The following POU6F2 variants were observed in gnomAD, a reference collection of about 807,000 sequenced individuals.
POU6F2 encodes the protein POU domain, class 6, transcription factor 2.
POU6F2 carries 31 observed loss-of-function variants against 71.3 expected under a neutral mutation model. That is an observed-to-expected ratio of 0.43 (90% confidence interval 0.33 to 0.59). The LOEUF is 0.59. POU6F2 is among the 20% of genes least tolerant of loss of function. The pLI, the probability that POU6F2 is intolerant of heterozygous loss-of-function variation, is 0.04. For synonymous variants in POU6F2, 347 were observed against 355.7 expected (o/e 0.98, Z 0.27); for missense variants, 783 against 856.8 (o/e 0.91, Z 1.07).
intron 2 of POU6F2, among the ~76,000 whole-genome samples, chr7:39,165,887 C>G (rs1793103587): frequency 6.6e-6 from 1 of 152,114 alleles, no homozygotes; most frequent in Admixed American, 6.5e-5. Context: ...TTTCTCAGTC[C>G]CAAACTTTCC....
intron 4 of POU6F2, among the ~76,000 whole-genome samples, chr7:39,213,663 G>T (rs928206707): frequency 6.6e-6 from 1 of 152,018 alleles, no homozygotes; most frequent in African/African-American, 2.4e-5. Context: ...TTCTCATTCG[G>T]CATAATGTTT....
chr7:39,151,416 A>G (rs1191049452), intron 2 of POU6F2, among the ~76,000 whole-genome samples: 1 of 152,192 alleles, frequency 6.6e-6, no homozygotes, highest in Admixed American at 6.5e-5. Flanking sequence ...AGTGGTGATG[A>G]CTTAGTCATC....
chr7:39,175,681 G>A (rs1793312177), intron 2 of POU6F2, among the ~76,000 whole-genome samples: 1 of 152,168 alleles, frequency 6.6e-6, no homozygotes, highest in Middle Eastern at 3.4e-3. Flanking sequence ...ATGAAGAAAG[G>A]GGCCCACAAA....
At chr7:39,356,069 C>A (rs1583547364) in intron 5 of POU6F2, among the ~76,000 whole-genome samples, 1 of 152,152 alleles carries the variant, frequency 6.6e-6, no homozygotes, top group Non-Finnish European at 1.5e-5. Flanking sequence ...CTACTCTGGC[C>A]CCAAGGCAGA....
At chr7:39,167,544 G>T (rs764953086) in intron 2 of POU6F2, among the ~76,000 whole-genome samples, 1 of 152,050 alleles carries the variant, frequency 6.6e-6, no homozygotes, top group African/African-American at 2.4e-5. Flanking sequence ...GAATTCCTGG[G>T]TATCATGCAT....
intron 2 of POU6F2, among the ~76,000 whole-genome samples, chr7:39,163,656 C>T (rs373687083): frequency 2.0e-5 from 3 of 152,206 alleles, no homozygotes; most frequent in African/African-American, 7.2e-5. Flanking sequence ...AGCAATTTCA[C>T]TACTGGATAT....
chr7:39,455,172 A>T (rs1289208928), intron 8 of POU6F2, among the ~76,000 whole-genome samples: 1 of 152,168 alleles, frequency 6.6e-6, no homozygotes, highest in Non-Finnish European at 1.5e-5. Context: ...TAGGTTTAAG[A>T]TTTACAGTGC....
chr7:39,300,877 A>G (rs868542130), intron 4 of POU6F2, among the ~76,000 whole-genome samples: 7 of 152,174 alleles, frequency 4.6e-5, no homozygotes, highest in Non-Finnish European at 1.0e-4. Context: ...GGACTTCAAC[A>G]GAGAAACTTG....
intron 2 of POU6F2, among the ~76,000 whole-genome samples, chr7:39,196,533 C>G (rs1387096792): frequency 6.6e-6 from 1 of 152,096 alleles, no homozygotes; most frequent in East Asian, 1.9e-4. Flanking sequence ...CTGAGGCAGG[C>G]AGATCACCTG....
intron 1 of POU6F2, among the ~76,000 whole-genome samples, chr7:38,998,863 A>G (rs1312518184): frequency 7.7e-6 from 1 of 129,624 alleles, no homozygotes; most frequent in Non-Finnish European, 1.6e-5. Flanking sequence ...ACCAGGTTTT[A>G]CCATGTTAGC....
At chr7:39,393,639 T>C (rs1583570461) in intron 5 of POU6F2, among the ~76,000 whole-genome samples, 2 of 152,186 alleles carry the variant, frequency 1.3e-5, no homozygotes, top group East Asian at 3.8e-4. Context: ...ACTGGTCCCC[T>C]AAAAATATAT....
At chr7:39,215,759 A>G (rs1794228540) in intron 4 of POU6F2, among the ~76,000 whole-genome samples, 1 of 152,220 alleles carries the variant, frequency 6.6e-6, no homozygotes, top group Non-Finnish European at 1.5e-5. Flanking sequence ...TCTACACTGC[A>G]CAGAGACCCA....
intron 1 of POU6F2, among the ~76,000 whole-genome samples, chr7:38,990,399 C>G (rs1788574038): frequency 6.6e-6 from 1 of 152,074 alleles, no homozygotes; most frequent in Non-Finnish European, 1.5e-5. Context: ...AACTTTCTTT[C>G]TACTTAGTAG....
chr7:39,045,533 G>A (rs941819214), intron 1 of POU6F2, among the ~76,000 whole-genome samples: 1 of 151,504 alleles, frequency 6.6e-6, no homozygotes, highest in East Asian at 1.9e-4. Flanking sequence ...TTGGGATGAG[G>A]CTCTTTAGCT....
intron 5 of POU6F2, among the ~76,000 whole-genome samples, chr7:39,374,144 G>A (rs765788549): frequency 1.3e-5 from 2 of 152,076 alleles, no homozygotes; most frequent in African/African-American, 2.4e-5. Context: ...TCAACTTTAC[G>A]TCACTGAGAA....
intron 7 of POU6F2, among the ~76,000 whole-genome samples, chr7:39,437,821 G>A (rs1788286190): frequency 6.6e-6 from 1 of 152,012 alleles, no homozygotes; most frequent in African/African-American, 2.4e-5. Flanking sequence ...GGTACGTTGT[G>A]TCTTTGTTCT....
At chr7:39,150,329 T>C (rs902839104) in intron 2 of POU6F2, among the ~76,000 whole-genome samples, 1 of 151,942 alleles carries the variant, frequency 6.6e-6, no homozygotes, top group Non-Finnish European at 1.5e-5. Flanking sequence ...AGTGTAGATA[T>C]CTTTACAAGG....
chr7:39,414,593 G>C (rs943644803), intron 6 of POU6F2, among the ~76,000 whole-genome samples: 1 of 152,204 alleles, frequency 6.6e-6, no homozygotes, highest in Non-Finnish European at 1.5e-5. Context: ...TTGCTGCGGG[G>C]CGGCCCAGCT....
intron 5 of POU6F2, among the ~76,000 whole-genome samples, chr7:39,341,071 G>A (rs1785908377): frequency 6.6e-6 from 1 of 152,180 alleles, no homozygotes; most frequent in Admixed American, 6.5e-5. Flanking sequence ...GCTCTCCCCA[G>A]CCTGAGAATG....
Sources: allele counts gnomAD v4.1 joint callset (sites outside exome capture counted in the v4.1 genomes callset), GRCh38; gene constraint gnomAD v4.1.1; transcripts MANE v1.5; gene names NCBI Gene and HGNC (gene_info 2026-07-23, HGNC 2026-07-21).